Variants in PUDP observed in about 807,000 individuals in gnomAD.
PUDP encodes pseudouridine-5'-phosphatase.
In PUDP, 8 loss-of-function variants were observed where a neutral mutation model predicts 9.4. The ratio of observed to expected loss-of-function variants is 0.85; its 90% CI spans 0.50 to 1.53. PUDP has a LOEUF of 1.53. Ranked by LOEUF, PUDP falls within the 40% of genes most tolerant of loss-of-function variation. PUDP has a pLI of 0.00. For missense variants in PUDP, 188 were observed against 189.7 expected, an observed-to-expected ratio of 0.99 and a Z score of 0.05; for synonymous variants, 99 against 80.7, an observed-to-expected ratio of 1.23 and a Z score of -1.22.
At chrX:6,711,550 T>C (rs1924532583) in intron 1 of PUDP, among the ~76,000 whole-genome samples, 1 of 111,332 alleles carries the variant, frequency 9.0e-6, no homozygotes, top group Non-Finnish European at 1.9e-5. Flanking sequence ...GGCTCTGGTT[T>C]CTATGAACCA....
chrX:7,124,086 C>T (rs1932414502), intron 1 of PUDP, among the ~76,000 whole-genome samples: 1 of 112,059 alleles, frequency 8.9e-6, no homozygotes, highest in Non-Finnish European at 1.9e-5. Flanking sequence ...CCAATAATAA[C>T]AGAATATACA....
intron 3 of PUDP, among the ~76,000 whole-genome samples, chrX:6,911,055 C>G (rs1225101812): frequency 8.9e-6 from 1 of 112,247 alleles, no homozygotes; most frequent in Non-Finnish European, 1.9e-5. Flanking sequence ...CATTCCACCT[C>G]ACACACCTGC....
At chrX:6,782,346 G>T (rs1239391681) in intron 3 of PUDP, among the ~76,000 whole-genome samples, 1 of 111,287 alleles carries the variant, frequency 9.0e-6, no homozygotes, top group Non-Finnish European at 1.9e-5. Flanking sequence ...AAGGTGGGTT[G>T]ATCACCTGAG....
intron 3 of PUDP, among the ~76,000 whole-genome samples, chrX:6,806,686 G>T: frequency 9.0e-6 from 1 of 111,057 alleles, no homozygotes; most frequent in Non-Finnish European, 1.9e-5. Context: ...GAGAGAAAAG[G>T]GTATGAAGAC....
rs1389755894 is a variant in PUDP, at chrX:6,789,539, CAAAT to C, written c.*248-83077_*248-83074del. 6.3e-5 allele frequency among the ~76,000 whole-genome samples: 7 copies of C among 110,282 alleles called. No individual in the cohort carries two copies. In the East Asian group the frequency reaches 1.7e-3, roughly 27 times the overall value. On this transcript the variant is annotated intron_variant and NMD_transcript_variant, in intron 3 of 3. Coordinates refer to the PUDP transcript ENST00000655425. ...AAAGTGACTGAGTCTGCAGTGTGAA[CAAAT>C]AAAGAAGGGAGGATGAGTGGAAGCA...
At chrX:6,935,282 T>C (rs1429860937) in intron 3 of PUDP, among the ~76,000 whole-genome samples, 5 of 80,139 alleles carry the variant, frequency 6.2e-5, no homozygotes, top group African/African-American at 2.4e-4. Flanking sequence ...TAACAAACTA[T>C]CTCTCAGACC....
intron 3 of PUDP, among the ~76,000 whole-genome samples, chrX:6,757,069 G>A (rs1054934964): frequency 6.2e-5 from 7 of 112,174 alleles, no homozygotes; most frequent in East Asian, 2.8e-4. Flanking sequence ...GAGAGAAGAC[G>A]GAGGAGGTGA....
At chrX:7,145,575 C>G (rs1468385314) in intron 1 of PUDP, among the ~76,000 whole-genome samples, 1 of 101,969 alleles carries the variant, frequency 9.8e-6, no homozygotes, top group African/African-American at 3.6e-5. Flanking sequence ...TTACCTTGGT[C>G]ATGAGAAACA....
intron 1 of PUDP, among the ~76,000 whole-genome samples, chrX:7,035,551 C>T (rs1873904198): frequency 8.9e-6 from 1 of 111,986 alleles, no homozygotes; most frequent in Admixed American, 9.5e-5. Context: ...GTTTTCTTCT[C>T]TGGGACCATA....
At chrX:6,747,687 A>G (rs1925016605) in intron 3 of PUDP, among the ~76,000 whole-genome samples, 1 of 112,541 alleles carries the variant, frequency 8.9e-6, no homozygotes, top group African/African-American at 3.2e-5. Flanking sequence ...CTGACTCATT[A>G]TTAAAATTCA....
chrX:6,923,858 C>T (rs760608502), intron 3 of PUDP, among the ~76,000 whole-genome samples: 1 of 111,467 alleles, frequency 9.0e-6, no homozygotes, highest in Non-Finnish European at 1.9e-5. Context: ...GGTCATGCAC[C>T]ATCTGGTCCC....
downstream of PUDP, among the ~76,000 whole-genome samples, chrX:7,048,446 A>C (rs765447113): frequency 5.3e-5 from 6 of 112,515 alleles, no homozygotes; most frequent in Admixed American, 2.8e-4. Context: ...GTATTGAAGC[A>C]ATTTGGCTAA....
At chrX:6,724,032 TTA>T (rs1491466511), upstream of PUDP, among the ~76,000 whole-genome samples, 4 of 111,811 alleles carry the variant, frequency 3.6e-5, no homozygotes, top group African/African-American at 1.3e-4. Context: ...AAGAAATCTG[TTA>T]CTGTTTTATT....
At chrX:6,992,872 G>A (rs897164415) in intron 1 of PUDP, among the ~76,000 whole-genome samples, 3 of 111,713 alleles carry the variant, frequency 2.7e-5, no homozygotes, top group African/African-American at 9.8e-5. Context: ...ATGCAGCTAG[G>A]ATAAAAGCAG....
chrX:6,926,996 C>T (rs1363034598), intron 3 of PUDP, among the ~76,000 whole-genome samples: 2 of 100,508 alleles, frequency 2.0e-5, no homozygotes, highest in Non-Finnish European at 2.0e-5. Flanking sequence ...GGCACAATCA[C>T]GGGTCACTAC....
At chrX:7,132,030 A>G (rs1237055793) in intron 1 of PUDP, among the ~76,000 whole-genome samples, 3 of 110,401 alleles carry the variant, frequency 2.7e-5, no homozygotes, top group Non-Finnish European at 3.8e-5. Context: ...AGTTGTCTCT[A>G]GCAGATGAAT....
At chrX:6,866,042 T>C (rs1470336407) in intron 3 of PUDP, among the ~76,000 whole-genome samples, 2 of 111,222 alleles carry the variant, frequency 1.8e-5, no homozygotes, top group Admixed American at 9.6e-5. Flanking sequence ...CATTTTAGCT[T>C]CCTGAGTAGC....
intron 3 of PUDP, among the ~76,000 whole-genome samples, chrX:6,735,594 G>A (rs1392792313): frequency 4.5e-5 from 5 of 112,044 alleles, no homozygotes; most frequent in Admixed American, 3.8e-4. Flanking sequence ...ACCCACTTAA[G>A]TGAAGAAATA....
chrX:7,094,938 C>T (rs1931530984), intron 2 of PUDP, among the ~76,000 whole-genome samples: 1 of 111,788 alleles, frequency 8.9e-6, no homozygotes, highest in Non-Finnish European at 1.9e-5. Flanking sequence ...TCCAGCTTTG[C>T]CAGCAGAGCC....
Sources: allele counts gnomAD v4.1 joint callset (sites outside exome capture counted in the v4.1 genomes callset), GRCh38; gene constraint gnomAD v4.1.1; transcripts MANE v1.5; gene names NCBI Gene and HGNC (gene_info 2026-07-23, HGNC 2026-07-21).